Variants in MACF1 observed in about 807,000 individuals in gnomAD.
MACF1 encodes microtubule actin crosslinking factor 1, also known as microtubule-actin cross-linking factor 1.
Under a neutral mutation model 854.8 loss-of-function variants are expected in MACF1, and 193 were observed. The observed-to-expected ratio is 0.23, with a 90% CI of 0.20 to 0.25. The LOEUF is 0.25. Among genes scored for constraint, MACF1 ranks in the 10% least tolerant of loss-of-function variants. The pLI, the probability that MACF1 is intolerant of heterozygous loss-of-function variation, is 1.00. For synonymous variants in MACF1, 3,185 were observed against 3,226.7 expected, an observed-to-expected ratio of 0.99 and a Z score of 0.44; for missense variants, 7,722 against 8,929.1, an observed-to-expected ratio of 0.86 and a Z score of 5.45.
chr1:39,245,573 C>T (rs1309276498), intron 2 of MACF1, among the ~76,000 whole-genome samples: 3 of 152,162 alleles, frequency 2.0e-5, no homozygotes. Context: ...GCCACTGCGC[C>T]TGGCAACAGC....
At chr1:39,114,645 T>C (rs2148148573) in intron 2 of MACF1, among the ~76,000 whole-genome samples, 1 of 152,348 alleles carries the variant, frequency 6.6e-6, no homozygotes, top group East Asian at 1.9e-4. Context: ...TTATTGAATG[T>C]CTACCATGAA....
intron 58 of MACF1, chr1:39,412,126 G>A (rs377744838): frequency 2.0e-5 from 33 of 1,613,870 alleles, no homozygotes; most frequent in Non-Finnish European, 2.7e-5. Context: ...AGGCTTCATT[G>A]CTTCTGAGCT....
chr1:39,358,640 C>G (rs1285065977), intron 45 of MACF1, 57 bp from the exon 46 acceptor site: 1 of 1,552,444 alleles, frequency 6.4e-7, no homozygotes, highest in Admixed American at 1.9e-5. Flanking sequence ...CTTTGGGCAG[C>G]TGCTGCCTTT....
At chr1:39,147,643 C>T (rs907965137) in intron 2 of MACF1, among the ~76,000 whole-genome samples, 2 of 152,068 alleles carry the variant, frequency 1.3e-5, no homozygotes, top group African/African-American at 4.8e-5. Context: ...CCTCACCCCT[C>T]ATGTAGCTGG....
chr1:39,280,643 T>C (rs1201452988), intron 6 of MACF1, among the ~76,000 whole-genome samples: 2 of 152,160 alleles, frequency 1.3e-5, no homozygotes, highest in Non-Finnish European at 2.9e-5. Context: ...AGTGGCACAA[T>C]TTCAGCTCAC....
chr1:39,477,045 G>GTATA (rs745911075), intron 97 of MACF1, among the ~76,000 whole-genome samples: 29 of 63,756 alleles, frequency 4.5e-4, no homozygotes, highest in Non-Finnish European at 6.4e-4. Context: ...TACACTTAGT[G>GTATA]TATATATATA....
Position 39,095,920 on chromosome 1 carries a change from A to G in MACF1, c.220+11482A>G, listed in dbSNP as rs1423241627. Among the ~76,000 whole-genome samples the G allele has an allele frequency of 1.2e-3, 173 of 150,002 alleles. 1 individual carries two copies. Among genetic ancestry groups the G allele is most frequent in the African/African-American group, 4.2e-3 (170 of 40,484 alleles). On this transcript the variant is annotated intron_variant, in intron 2 of 93. Transcript: ENST00000361689. ...GCAATGGCTCATGCCTGTAATCCCA[A>G]CACTTTGGGAGGCCAAGGCAGGAGA...
chr1:39,163,340 CAAAA>C (rs11371076), intron 2 of MACF1, among the ~76,000 whole-genome samples: 1 of 80,354 alleles, frequency 1.2e-5, no homozygotes, highest in African/African-American at 5.6e-5. Flanking sequence ...AAGACTGTCT[CAAAA>C]AAAAAAAAAA....
chr1:39,388,126 T>C lies in MACF1; in HGVS notation c.15284T>C (p.Val5095Ala). The C allele has an allele frequency of 6.2e-7, 1 of 1,614,034 alleles. No homozygotes were observed. The highest frequency in any genetic ancestry group is 8.5e-7 in the Non-Finnish European group (1 of 1,180,014). ...DASQLLHQAE[V>A]AQQEFLEVKQ... ...TCTCAACTTCTCCACCAAGCTGAGG[T>C]CGCCCAGCAAGAGTTCCTCGAAGTT... Residue 5095 changes from valine (V) to alanine (A), a missense_variant, in exon 58 of 101, where the codon GTC (valine) becomes GCC (alanine). By Grantham distance (64) the Val-to-Ala change is moderately conservative. Transcript: ENST00000564288.
intron 1 of MACF1, among the ~76,000 whole-genome samples, chr1:39,225,217 C>CTTTCTTTTTT (rs1644701329): frequency 1.6e-5 from 2 of 125,198 alleles, no homozygotes; most frequent in East Asian, 2.3e-4. Flanking sequence ...TTTCTTTTTT[C>CTTTCTTTTTT]TTTTTTTTTT....
Position 39,441,068 on chromosome 1 carries a change from T to G in MACF1, c.18513T>G (p.Asp6171Glu), listed in dbSNP as rs777191764. The G allele has an allele frequency of 1.2e-6, 2 of 1,614,168 alleles. No individual in the cohort carries two copies. The highest frequency in any genetic ancestry group is 1.7e-5 in the Admixed American group (1 of 60,022). ...ELEFIRILGA[D>E]LIFACGETEK... is the part of the protein sequence containing the mutation. ...AGTTTATTCGGATCCTTGGAGCAGA[T>G]TTGATTTTTGCCTGTGGAGAAACTG... Residue 6171 changes from aspartate (D) to glutamate (E), a missense_variant, in exon 73 of 101, where the codon GAT (aspartate) becomes GAG (glutamate). Asp to Glu is a conservative substitution (Grantham distance 45). Transcript: ENST00000564288.
chr1:39,137,737 T>C (rs912635168), intron 2 of MACF1, among the ~76,000 whole-genome samples: 4 of 152,298 alleles, frequency 2.6e-5, no homozygotes, highest in African/African-American at 9.6e-5. Flanking sequence ...ATTAAAAGTA[T>C]TGCATTATCT....
intron 97 of MACF1, among the ~76,000 whole-genome samples, chr1:39,477,073 A>ATATACACTTAATG (rs1553457850): frequency 2.6e-5 from 1 of 37,866 alleles, no homozygotes; most frequent in African/African-American, 1.7e-4. Context: ...ATATATATAT[A>ATATACACTTAATG]TATATATATA....
intron 21 of MACF1, among the ~76,000 whole-genome samples, chr1:39,298,405 G>C (rs1480333505): frequency 6.6e-6 from 1 of 152,154 alleles, no homozygotes; most frequent in Non-Finnish European, 1.5e-5. Flanking sequence ...TTAGCAGAAA[G>C]ACTACTTATA....
At chr1:39,117,712 A>G (rs1193875041) in intron 2 of MACF1, among the ~76,000 whole-genome samples, 1 of 152,218 alleles carries the variant, frequency 6.6e-6, no homozygotes, top group Admixed American at 6.5e-5. Flanking sequence ...TGAATGTAGA[A>G]TATAGTATAT....
chr1:39,277,945 T>C (rs932904295), intron 6 of MACF1, among the ~76,000 whole-genome samples: 2 of 152,206 alleles, frequency 1.3e-5, no homozygotes, highest in African/African-American at 4.8e-5. Flanking sequence ...AGTGCTAAGA[T>C]GTTGTTCAGT....
Position 39,186,231 on chromosome 1 carries a change from T to TA in MACF1, c.221-44951_221-44950insA, listed in dbSNP as rs1644171352. 2.1e-5 allele frequency among the ~76,000 whole-genome samples: 3 copies of TA among 140,876 alleles called. No homozygotes were observed. The East Asian group carries it at 7.2e-4, about 34-fold the overall frequency. The allele number at this position is 140,876 out of a possible 152,430, so 92.4% of individuals were successfully genotyped here. The stretch of plus-strand genomic sequence containing the variant: ...CTCTCTCTCTGTGTGTGTGTGTGTG[T>TA]GTGTGTGTGTGTGTGTTTTGGTGGG... On this transcript the variant is annotated intron_variant, in intron 2 of 93. Coordinates refer to the MACF1 transcript ENST00000361689.
In MACF1 at chr1:39,370,118, G is replaced by C; in HGVS notation, c.13027G>C (p.Gly4343Arg). 6.2e-7 allele frequency: 1 copy of C among 1,614,084 alleles called. No individual in the cohort carries two copies. Among genetic ancestry groups the C allele is most frequent in the Non-Finnish European group, 8.5e-7 (1 of 1,179,964 alleles). ...TFQKWLKETE[G>R]SIPPTETSMS... ...CCAGAAATGGTTGAAAGAAACTGAAGGGAGTATTCCACCTACGGAAACTTC... is the reference window on the plus strand; with the variant it reads ...CCAGAAATGGTTGAAAGAAACTGAACGGAGTATTCCACCTACGGAAACTTC... Residue 4343 changes from glycine (G) to arginine (R), a missense_variant, in exon 51 of 101, where the codon GGG becomes CGG. Gly to Arg is a moderately radical substitution (Grantham distance 125). Coordinates refer to ENST00000564288, the MANE Select transcript of MACF1 (RefSeq NM_001394062.1).
intron 23 of MACF1, among the ~76,000 whole-genome samples, chr1:39,305,741 A>C (rs533375483): frequency 4.4e-4 from 67 of 152,248 alleles, no homozygotes; most frequent in African/African-American, 1.3e-3. Context: ...CCTTGCTTGT[A>C]CTTAGCTGCA....
Sources: gnomAD v4.1 joint callset for allele counts (sites outside exome capture counted in the v4.1 genomes callset) on GRCh38, gnomAD v4.1.1 for gene constraint, MANE v1.5 for transcripts, NCBI Gene and HGNC (gene_info 2026-07-23, HGNC 2026-07-21) for gene names.